RBFOX1: variants seen among roughly 807,000 people sequenced by gnomAD.
The protein encoded by RBFOX1 is RNA binding fox-1 homolog 1, also known as RNA binding protein fox-1 homolog 1.
RBFOX1 carries 8 observed loss-of-function variants against 57.7 expected under a neutral mutation model. The ratio of observed to expected loss-of-function variants is 0.14; its 90% CI spans 0.08 to 0.25. The LOEUF is 0.25. Ranked by LOEUF, RBFOX1 falls within the 10% of genes least tolerant of loss-of-function variation. The pLI, the probability that RBFOX1 is intolerant of heterozygous loss-of-function variation, is 1.00. For missense variants in RBFOX1, 611 were observed against 548.5 expected, an observed-to-expected ratio of 1.11 and a Z score of -1.14; for synonymous variants, 326 against 222.4, an observed-to-expected ratio of 1.47 and a Z score of -4.15.
At chr16:5,303,673 C>A (rs568071598) in intron 1 of RBFOX1, among the ~76,000 whole-genome samples, 105 of 151,804 alleles carry the variant, frequency 6.9e-4, no homozygotes, top group Non-Finnish European at 9.6e-4. Context: ...GGAACCAGGC[C>A]TTATAGGTGT....
rs145989621 is a variant in RBFOX1 at position 6,772,457 on chromosome 16, C to T, written c.-16+117807C>T. On this transcript the variant is annotated intron_variant, in intron 3 of 15. Coordinates refer to ENST00000550418, the MANE Select transcript of RBFOX1 (RefSeq NM_018723.4). The stretch of plus-strand genomic sequence containing the variant: ...GTGTGTGTGTGTATGTATGTGTGGG[C>T]ATGGGGTGCATTTGTATGTGTATGT... 5.3e-5 allele frequency among the ~76,000 whole-genome samples: 8 copies of T among 150,122 alleles called. No homozygotes were observed. In the East Asian group the frequency reaches 9.8e-4, roughly 18 times the overall value.
intron 4 of RBFOX1, among the ~76,000 whole-genome samples, chr16:7,211,554 AC>A (rs2091143941): frequency 6.6e-6 from 1 of 152,148 alleles, no homozygotes; most frequent in African/African-American, 2.4e-5. Flanking sequence ...TGTAAAGCAA[AC>A]AAACAAAAAA....
intron 1 of RBFOX1, among the ~76,000 whole-genome samples, chr16:5,412,601 G>T (rs1048178027): frequency 1.3e-5 from 2 of 152,208 alleles, no homozygotes; most frequent in African/African-American, 4.8e-5. Flanking sequence ...TAGAGTAGGG[G>T]AGGGAGGTGG....
rs1267599965 is a variant in RBFOX1 at position 5,454,850 on chromosome 16, TTTCTTTTCTTTCTTTCTTTCTTTC to T, written c.220-12363_220-12340del. Among the ~76,000 whole-genome samples, 75 of 121,752 alleles carry T rather than the reference TTTCTTTTCTTTCTTTCTTTCTTTC, an allele frequency of 6.2e-4. 2 individuals carry two copies. Among genetic ancestry groups the T allele is most frequent in the Middle Eastern group, 4.2e-3 (1 of 240 alleles). The allele number at this position is 121,752 out of a possible 152,430, so 79.9% of individuals were successfully genotyped here. A position where few individuals can be genotyped will look rare whatever the true frequency, so the allele number is the denominator to read the frequency against. On this transcript the variant is annotated intron_variant, in intron 1 of 2. Coordinates refer to the RBFOX1 transcript ENST00000585867. ...TTCCTTGCTTTCTTTCCTTTCTTTCTTTCTTTTCTTTCTTTCTTTCTTTCTTTCTTTCTTTCTTTCTTTCTTTCT... is the reference window on the plus strand; with the variant it reads ...TTCCTTGCTTTCTTTCCTTTCTTTCTTTTCTTTCTTTCTTTCTTTCTTTCT...
At chr16:6,885,891 G>A (rs1489308981) in intron 3 of RBFOX1, among the ~76,000 whole-genome samples, 5 of 152,126 alleles carry the variant, frequency 3.3e-5, no homozygotes, top group African/African-American at 9.7e-5. Flanking sequence ...ACTCAATGCA[G>A]CATTGGAGAA....
chr16:6,483,313 C>G, intron 2 of RBFOX1: 1 of 1,420,092 alleles, frequency 7.0e-7, no homozygotes, highest in South Asian at 1.5e-5. Flanking sequence ...CGCCCGCGCG[C>G]TCGGGGCGTT....
intron 2 of RBFOX1, among the ~76,000 whole-genome samples, chr16:5,528,481 A>T (rs754460412): frequency 6.6e-6 from 1 of 151,884 alleles, no homozygotes; most frequent in Non-Finnish European, 1.5e-5. Context: ...CTTACTGCCT[A>T]AAGCGACAAT....
At chr16:5,520,450 G>A (rs1035566829) in intron 2 of RBFOX1, among the ~76,000 whole-genome samples, 1 of 152,152 alleles carries the variant, frequency 6.6e-6, no homozygotes, top group Non-Finnish European at 1.5e-5. Flanking sequence ...AGACTTGGGC[G>A]TCCATGTCAT....
At chr16:7,377,150 A>C (rs907782917) in intron 4 of RBFOX1, among the ~76,000 whole-genome samples, 3 of 152,244 alleles carry the variant, frequency 2.0e-5, no homozygotes, top group Non-Finnish European at 4.4e-5. Context: ...TATCAGTTTA[A>C]ATGAACTTAT....
In RBFOX1 at chr16:5,744,143, C is replaced by T. The variant is rs145207284; in HGVS notation, c.319-123160C>T. ...AAAAGAATCATTCACAGCTCCTTGT[C>T]TTTGCTTGTGCTATGTTCCCCATCT... On this transcript the variant is annotated intron_variant, in intron 3 of 19. Coordinates refer to the RBFOX1 transcript ENST00000641259. Among the ~76,000 whole-genome samples, 980 of 152,200 alleles carry T rather than the reference C, an allele frequency of 6.4e-3. 12 individuals are homozygous for T. Among genetic ancestry groups the T allele is most frequent in the African/African-American group, 0.022 (923 of 41,530 alleles).
At chr16:6,145,377 A>G (rs1375943122) in intron 1 of RBFOX1, among the ~76,000 whole-genome samples, 2 of 152,106 alleles carry the variant, frequency 1.3e-5, no homozygotes, top group Non-Finnish European at 2.9e-5. Flanking sequence ...TGTTTTTTTT[A>G]ATGGCTGCAT....
chr16:7,225,269 C>G (rs1469998385), intron 4 of RBFOX1, among the ~76,000 whole-genome samples: 1 of 152,066 alleles, frequency 6.6e-6, no homozygotes, highest in African/African-American at 2.4e-5. Flanking sequence ...AATTGTAGCT[C>G]CCATAATTCC....
chr16:5,823,306 G>C (rs1170786330), intron 3 of RBFOX1, among the ~76,000 whole-genome samples: 1 of 152,168 alleles, frequency 6.6e-6, no homozygotes, highest in Admixed American at 6.5e-5. Flanking sequence ...TATGTGAACA[G>C]ATAAATAACT....
At position 6,719,092 on chromosome 16, in the gene RBFOX1, C is replaced by T. The variant is rs118055871; in HGVS notation, c.-16+64442C>T. ...ATGTTGCCCAGGCTGGTCTTGAACT[C>T]CTGGGCTCAAGGGATTTACTTGCCT... is the stretch of plus-strand genomic sequence containing the variant. On this transcript the variant is annotated intron_variant, in intron 3 of 15. Coordinates refer to ENST00000550418, the MANE Select transcript of RBFOX1 (RefSeq NM_018723.4). Among the ~76,000 whole-genome samples, 247 of 152,230 alleles carry T rather than the reference C, an allele frequency of 1.6e-3. 4 individuals carry two copies. The East Asian group carries it at 0.029, about 18-fold the overall frequency.
chr16:7,028,684 A>G (rs1396415875), intron 3 of RBFOX1, among the ~76,000 whole-genome samples: 1 of 151,132 alleles, frequency 6.6e-6, no homozygotes, highest in African/African-American at 2.4e-5. Context: ...TTCCCAAAGG[A>G]TATTTGAAAA....
At chr16:7,199,321 T>TA (rs1248965581) in intron 4 of RBFOX1, among the ~76,000 whole-genome samples, 1 of 123,454 alleles carries the variant, frequency 8.1e-6, no homozygotes, top group Non-Finnish European at 1.9e-5. Context: ...ACTGAGTGTT[T>TA]AAAGGGTTTT....
intron 4 of RBFOX1, among the ~76,000 whole-genome samples, chr16:7,353,480 A>T (rs907324071): frequency 3.3e-5 from 5 of 152,200 alleles, no homozygotes; most frequent in African/African-American, 1.2e-4. Flanking sequence ...GATAATTAAA[A>T]ACATATGTGT....
intron 3 of RBFOX1, among the ~76,000 whole-genome samples, chr16:6,818,527 C>T (rs931202486): frequency 6.6e-6 from 1 of 152,162 alleles, no homozygotes; most frequent in South Asian, 2.1e-4. Context: ...GGCAATAATA[C>T]AAGCTGTTGT....
At chr16:6,655,855 G>C (rs1426692959) in intron 3 of RBFOX1, among the ~76,000 whole-genome samples, 1 of 152,130 alleles carries the variant, frequency 6.6e-6, no homozygotes, top group African/African-American at 2.4e-5. Context: ...CATGACTGGG[G>C]CATGTCTGCT....
Sources: allele counts gnomAD v4.1 joint callset (sites outside exome capture counted in the v4.1 genomes callset), GRCh38; gene constraint gnomAD v4.1.1; transcripts MANE v1.5; gene names NCBI Gene and HGNC (gene_info 2026-07-23, HGNC 2026-07-21).